Variants in GRIK4 observed in about 807,000 individuals in gnomAD.
GRIK4 encodes the protein glutamate receptor ionotropic, kainate 4.
A neutral mutation model predicts 104.9 loss-of-function variants in GRIK4; 40 were observed. The ratio of observed to expected loss-of-function variants is 0.38; its 90% CI spans 0.30 to 0.50. GRIK4 has a LOEUF of 0.50. Among genes scored for constraint, GRIK4 ranks in the 20% least tolerant of loss-of-function variants. GRIK4 has a pLI of 0.93. For synonymous variants in GRIK4, 485 were observed against 524.9 expected (o/e 0.92, Z 1.04); for missense variants, 1,047 against 1,308.1 (o/e 0.80, Z 3.08).
At chr11:120,580,667 G>T (rs1408929774) in intron 1 of GRIK4, among the ~76,000 whole-genome samples, 1 of 151,890 alleles carries the variant, frequency 6.6e-6, no homozygotes, top group Non-Finnish European at 1.5e-5. Context: ...CTCCTAGGGT[G>T]TAGCGATCCT....
intron 1 of GRIK4, among the ~76,000 whole-genome samples, chr11:120,589,259 C>T (rs911182892): frequency 6.6e-6 from 1 of 152,108 alleles, no homozygotes; most frequent in African/African-American, 2.4e-5. Context: ...GGGGACCACA[C>T]CTTGAGAGCC....
At position 120,905,522 on chromosome 11, in the gene GRIK4, G is replaced by A; in HGVS notation, c.1476+29G>A. On this transcript the variant is annotated intron_variant, in intron 13 of 20. Transcript: ENST00000527524. This position sits in a 1 kb window ranked among gnomAD's most constrained non-coding sequence, Gnocchi z 5.1. ...AGGAGAGGACAAGTGATCTGGGCCT[G>A]AGGGTGGGCTGGGAGGGATTGGAAG... The A allele has an allele frequency of 9.1e-7, 1 of 1,097,434 alleles. No individual in the cohort carries two copies. The highest frequency in any genetic ancestry group is 1.4e-6 in the Non-Finnish European group (1 of 727,844). The allele number at this position is 1,097,434 out of a possible 1,614,324, so 68.0% of individuals were successfully genotyped here.
At chr11:120,812,464 G>A (rs1449675774) in intron 4 of GRIK4, among the ~76,000 whole-genome samples, 3 of 152,150 alleles carry the variant, frequency 2.0e-5, no homozygotes, top group Non-Finnish European at 4.4e-5. Context: ...CAACCAGATT[G>A]TGAAAAATAT....
At chr11:120,922,896 A>G (rs1490133449) in intron 13 of GRIK4, among the ~76,000 whole-genome samples, 1 of 152,180 alleles carries the variant, frequency 6.6e-6, no homozygotes, top group African/African-American at 2.4e-5. Context: ...TTTGCTCTTG[A>G]GGCAACAATG....
intron 18 of GRIK4, 107 bp downstream of exon 18, chr11:120,962,788 C>A: frequency 2.8e-6 from 2 of 710,692 alleles, no homozygotes; most frequent in Non-Finnish European, 2.4e-6. Context: ...GTTGTTAGAA[C>A]CAGTTTAACA....
chr11:120,903,258 C>A lies in GRIK4; in HGVS notation c.1273-2032C>A, dbSNP rs981176715. ...CCTCTGCAGCCGGGCCTTGGTAATC[C>A]CTGAGCCCAGCTCTCCTCTGTCCCT... On this transcript the variant is annotated intron_variant, in intron 12 of 20. Transcript: ENST00000527524. This position sits in a 1 kb window ranked among gnomAD's most constrained non-coding sequence, Gnocchi z 4.4. 1.3e-5 allele frequency among the ~76,000 whole-genome samples: 2 copies of A among 152,126 alleles called. No homozygotes were observed. Among genetic ancestry groups the A allele is most frequent in the African/African-American group, 2.4e-5 (1 of 41,412 alleles).
chr11:120,623,983 C>T (rs1323267242), intron 1 of GRIK4, among the ~76,000 whole-genome samples: 1 of 150,128 alleles, frequency 6.7e-6, no homozygotes, highest in Non-Finnish European at 1.5e-5. Flanking sequence ...TCTTCCTCCT[C>T]CCTCTCCCTC....
rs1466226583 is a variant in GRIK4, at chr11:120,511,849, C to T, written c.-197C>T. The T allele has an allele frequency of 5.7e-6, 2 of 348,992 alleles. No homozygotes were observed. Among genetic ancestry groups the T allele is most frequent in the African/African-American group, 4.5e-5 (2 of 44,456 alleles). 21.6% of individuals were successfully genotyped at this position (348,992 alleles called of 1,614,324 possible). Reference sequence around the variant, plus strand: ...GCCCCGCGGCCGGCCCGGCAGCGCCCGGCCCCCGGCTCAGCCCCCGGAGTG... The same window carrying T: ...GCCCCGCGGCCGGCCCGGCAGCGCCTGGCCCCCGGCTCAGCCCCCGGAGTG... On this transcript the variant is annotated 5_prime_UTR_variant, in exon 1 of 21. Coordinates refer to ENST00000527524, the MANE Select transcript of GRIK4 (RefSeq NM_014619.5).
At chr11:120,923,361 C>G (rs115482220) in intron 13 of GRIK4, among the ~76,000 whole-genome samples, 2,567 of 149,986 alleles carry the variant, frequency 0.017, 70 homozygotes, top group African/African-American at 0.059. Context: ...GCAACGAACA[C>G]TTACTGAGCA....
chr11:120,866,691 C>T (rs1954425233), intron 9 of GRIK4, among the ~76,000 whole-genome samples: 1 of 152,128 alleles, frequency 6.6e-6, no homozygotes. Context: ...TCTCAGGGAA[C>T]CATGCGAGGA....
chr11:120,688,969 C>T (rs893175121), intron 3 of GRIK4, among the ~76,000 whole-genome samples: 1 of 151,824 alleles, frequency 6.6e-6, no homozygotes, highest in African/African-American at 2.4e-5. Flanking sequence ...AGATAAAGAC[C>T]AAAGTCCTAC....
At chr11:120,801,088 A>G (rs1434883414) in intron 3 of GRIK4, among the ~76,000 whole-genome samples, 7 of 152,020 alleles carry the variant, frequency 4.6e-5, no homozygotes, top group Non-Finnish European at 1.5e-5. Flanking sequence ...ATTAGCAGAC[A>G]CTCCTCATTT....
At chr11:120,811,881 C>G (rs1231362749) in intron 4 of GRIK4, among the ~76,000 whole-genome samples, 1 of 152,162 alleles carries the variant, frequency 6.6e-6, no homozygotes, top group Non-Finnish European at 1.5e-5. Context: ...GAGTGGGCCT[C>G]AGTGTGGTTC....
rs115468556 is a variant in GRIK4 at position 120,819,218 on chromosome 11, G to A, written c.346-537G>A. Among the ~76,000 whole-genome samples, 1,316 of 152,238 alleles carry A rather than the reference G, an allele frequency of 8.6e-3. 17 individuals are homozygous for A. The highest frequency in any genetic ancestry group is 0.03 in the African/African-American group (1,240 of 41,540). On this transcript the variant is annotated intron_variant, in intron 5 of 20. Coordinates refer to ENST00000527524, the MANE Select transcript of GRIK4 (RefSeq NM_014619.5). This position sits in a 1 kb window ranked among gnomAD's most constrained non-coding sequence, Gnocchi z 4.3. ...TGTGTCTGTGCGGGAGCCCATCCCC[G>A]CCCCACTTCCTCTCCCTGGGCATTC...
intron 20 of GRIK4, 85 bp downstream of exon 20, chr11:120,982,309 C>A (rs550609219): frequency 2.6e-6 from 2 of 777,242 alleles, no homozygotes; most frequent in Non-Finnish European, 4.6e-6. Flanking sequence ...TTATTTCAGA[C>A]GCTTACCACA....
chr11:120,541,478 T>A (rs1435461745), intron 1 of GRIK4, among the ~76,000 whole-genome samples: 1 of 151,932 alleles, frequency 6.6e-6, no homozygotes, highest in Admixed American at 6.6e-5. Flanking sequence ...CCATAACAGG[T>A]AGGTGTCAGG....
At chr11:120,831,714 T>A in intron 6 of GRIK4, 138 bp from the exon 7 acceptor site, 1 of 601,702 alleles carries the variant, frequency 1.7e-6, no homozygotes, top group Non-Finnish European at 3.0e-6. Context: ...TTATGATCTG[T>A]CTCCTTAATG....
intron 3 of GRIK4, among the ~76,000 whole-genome samples, chr11:120,717,590 G>C (rs901149970): frequency 6.6e-6 from 1 of 152,052 alleles, no homozygotes; most frequent in Non-Finnish European, 1.5e-5. Flanking sequence ...AACTTGATTT[G>C]TGATGTTGGC....
intron 13 of GRIK4, among the ~76,000 whole-genome samples, chr11:120,928,183 C>T (rs557606827): frequency 1.8e-4 from 27 of 146,872 alleles, no homozygotes; most frequent in African/African-American, 6.8e-4. Context: ...CACTGCACTC[C>T]AGCCTGGGAG....
Sources: allele counts gnomAD v4.1 joint callset (sites outside exome capture counted in the v4.1 genomes callset), GRCh38; gene constraint gnomAD v4.1.1; non-coding constraint Gnocchi (gnomAD v3.1); transcripts MANE v1.5; gene names NCBI Gene and HGNC (gene_info 2026-07-23, HGNC 2026-07-21).